The following ANKRD28 variants were observed in gnomAD, a reference collection of about 807,000 sequenced individuals.
The protein encoded by ANKRD28 is ankyrin repeat domain 28.
In ANKRD28, 44 loss-of-function variants were observed where a neutral mutation model predicts 126.5. That is an observed-to-expected ratio of 0.35 (90% confidence interval 0.27 to 0.45). ANKRD28 has a LOEUF of 0.45. Ranked by LOEUF, ANKRD28 falls within the 20% of genes least tolerant of loss-of-function variation. The pLI is 1.00. For synonymous variants in ANKRD28, 442 were observed against 468.5 expected, an observed-to-expected ratio of 0.94 and a Z score of 0.73; for missense variants, 1,110 against 1,316.6, an observed-to-expected ratio of 0.84 and a Z score of 2.43.
intron 1 of ANKRD28, among the ~76,000 whole-genome samples, chr3:15,837,768 G>GA (rs1044374219): frequency 1.3e-5 from 2 of 149,988 alleles, no homozygotes; most frequent in East Asian, 2.0e-4. Context: ...AGTAGCAGGG[G>GA]AAAAAACAAT....
chr3:15,813,538 T>C (rs547373418), intron 1 of ANKRD28, among the ~76,000 whole-genome samples: 23 of 152,308 alleles, frequency 1.5e-4, no homozygotes, highest in African/African-American at 4.8e-4. Context: ...AAGTACAGCA[T>C]ACTGCACCTT....
intron 18 of ANKRD28, chr3:15,689,745 T>C (rs979444922): frequency 3.4e-6 from 1 of 297,412 alleles, no homozygotes; most frequent in East Asian, 5.9e-5. Context: ...TTTATATGAA[T>C]ATTTTTTGTG....
At chr3:15,749,832 A>G (rs998391096) in intron 4 of ANKRD28, among the ~76,000 whole-genome samples, 2 of 152,174 alleles carry the variant, frequency 1.3e-5, no homozygotes, top group African/African-American at 4.8e-5. Flanking sequence ...GTCTGTAAAG[A>G]GTCCTGTGAT....
rs538136668 is a variant in ANKRD28, at chr3:15,842,009, T to A, written c.27+17368A>T. Among the ~76,000 whole-genome samples the A allele has an allele frequency of 3.5e-4, 53 of 150,506 alleles. No individual in the cohort carries two copies. In the South Asian group the frequency reaches 8.1e-3, roughly 23 times the overall value. On this transcript the variant is annotated intron_variant, in intron 1 of 27. Transcript: ENST00000399451. ...TGTTATTATATAGGCATAATTTATA[T>A]GTATAATGTTATATATTGTGTATAA...
chr3:15,753,927 A>G (rs764051225), intron 3 of ANKRD28, among the ~76,000 whole-genome samples: 8 of 152,230 alleles, frequency 5.3e-5, no homozygotes, highest in Non-Finnish European at 1.0e-4. Context: ...TGGGCAAGAT[A>G]GTGAGACTCT....
intron 2 of ANKRD28, among the ~76,000 whole-genome samples, chr3:15,789,441 A>C (rs1183291885): frequency 6.9e-6 from 1 of 144,556 alleles, no homozygotes; most frequent in Non-Finnish European, 1.5e-5. Context: ...TTTTTTTAAA[A>C]AAAAAAGAAA....
chr3:15,814,050 G>C lies in ANKRD28; in HGVS notation c.28-18744C>G, dbSNP rs767305761. On this transcript the variant is annotated intron_variant, in intron 1 of 27. Transcript: ENST00000399451. This position sits in a 1 kb window ranked among gnomAD's most constrained non-coding sequence, Gnocchi z 4.7. ...TTGAATTATAAAACGGCTATACTAAGTCTTCCACTAACACAGGGTCCACTA... is the reference window on the plus strand; with the variant it reads ...TTGAATTATAAAACGGCTATACTAACTCTTCCACTAACACAGGGTCCACTA... 2.7e-4 allele frequency among the ~76,000 whole-genome samples: 41 copies of C among 152,114 alleles called. No homozygotes were observed. Among genetic ancestry groups the C allele is most frequent in the Admixed American group, 2.0e-4 (3 of 15,278 alleles).
intron 2 of ANKRD28, among the ~76,000 whole-genome samples, chr3:15,778,459 G>A (rs1441613814): frequency 6.6e-6 from 1 of 152,116 alleles, no homozygotes; most frequent in African/African-American, 2.4e-5. Flanking sequence ...TTCAGGAAAT[G>A]GTCAGTTCTT....
intron 3 of ANKRD28, among the ~76,000 whole-genome samples, chr3:15,762,214 C>CAAA (rs778300634): frequency 1.3e-4 from 7 of 52,544 alleles, no homozygotes; most frequent in East Asian, 2.8e-4. Context: ...AAAAAAAAAA[C>CAAA]AAAACAAAAA....
intron 14 of ANKRD28, among the ~76,000 whole-genome samples, chr3:15,704,302 C>T (rs1183831086): frequency 1.3e-5 from 2 of 151,730 alleles, no homozygotes; most frequent in South Asian, 2.1e-4. Context: ...GAATGAGTCA[C>T]GGAAGATTTC....
intron 20 of ANKRD28, 85 bp downstream of exon 20, chr3:15,685,917 G>A: frequency 6.7e-6 from 7 of 1,044,378 alleles, no homozygotes; most frequent in Non-Finnish European, 9.7e-6. Flanking sequence ...ATTTAATGAA[G>A]AAAAAATAAA....
At position 15,796,391 on chromosome 3, in the gene ANKRD28, C is replaced by G. The variant is rs1266149708; in HGVS notation, c.117+14G>C. The G allele has an allele frequency of 8.6e-6, 11 of 1,276,226 alleles. No individual in the cohort carries two copies. Among genetic ancestry groups the G allele is most frequent in the African/African-American group, 1.5e-5 (1 of 65,446 alleles). 79.1% of individuals were successfully genotyped at this position (1,276,226 alleles called of 1,614,324 possible). A position where few individuals can be genotyped will look rare whatever the true frequency, so the allele number is the denominator to read the frequency against. On this transcript the variant is annotated intron_variant, in intron 1 of 27. Transcript: ENST00000683139. ...CAGTAGAATATAGTAAACATATAAA[C>G]TTACATATCTTACCAATACATTTCC...
chr3:15,848,713 A>T (rs1345289861), intron 1 of ANKRD28, among the ~76,000 whole-genome samples: 2 of 152,032 alleles, frequency 1.3e-5, no homozygotes, highest in Non-Finnish European at 2.9e-5. Context: ...ACAATCAATA[A>T]ATTAGAAATA....
intron 1 of ANKRD28, among the ~76,000 whole-genome samples, chr3:15,841,339 C>T (rs1371372877): frequency 6.6e-6 from 1 of 151,996 alleles, no homozygotes; most frequent in Non-Finnish European, 1.5e-5. Context: ...CAAATATGGA[C>T]AAATGGGGTC....
chr3:15,777,887 CACACACACACACACA>C (rs1575642764), intron 2 of ANKRD28, among the ~76,000 whole-genome samples: 15 of 151,574 alleles, frequency 9.9e-5, no homozygotes, highest in East Asian at 7.7e-4. Flanking sequence ...CACACACACA[CACACACACACACACA>C]CCCTCTCCGC....
Position 15,797,442 on chromosome 3 carries a change from G to C in ANKRD28, c.-921C>G. 4.1e-6 allele frequency: 4 copies of C among 985,344 alleles called. No homozygotes were observed. The highest frequency in any genetic ancestry group is 4.8e-6 in the Non-Finnish European group (4 of 829,954). 61.0% of individuals were successfully genotyped at this position (985,344 alleles called of 1,614,324 possible). On this transcript the variant is annotated 5_prime_UTR_variant, in exon 1 of 28. Coordinates refer to ENST00000683139, the MANE Select transcript of ANKRD28 (RefSeq NM_001349278.2). ...TTGTCTGTGGCTGCTCCAGCAAAAGGGCACAGGCACCAGGCAGAAATGGTG... is the reference window on the plus strand; with the variant it reads ...TTGTCTGTGGCTGCTCCAGCAAAAGCGCACAGGCACCAGGCAGAAATGGTG...
chr3:15,850,190 TAAAA>T (rs1238069051), intron 1 of ANKRD28, among the ~76,000 whole-genome samples: 1,467 of 31,854 alleles, frequency 0.046, 56 homozygotes, highest in African/African-American at 0.095. Context: ...CTACATGCAA[TAAAA>T]AAAAAAAAAA....
At position 15,803,896 on chromosome 3, in the gene ANKRD28, C is replaced by T. The variant is rs182562582; in HGVS notation, c.28-8590G>A. Among the ~76,000 whole-genome samples, 13 of 145,010 alleles carry T rather than the reference C, an allele frequency of 9.0e-5. 1 individual carries two copies. Among genetic ancestry groups the T allele is most frequent in the African/African-American group, 2.8e-4 (11 of 38,808 alleles). On this transcript the variant is annotated intron_variant, in intron 1 of 27. Transcript: ENST00000399451. ...AGCCCATTATCTTAGCATCTACCCTCATGACTTCTAAATGAAATGTTAAAT... is the reference window on the plus strand; with the variant it reads ...AGCCCATTATCTTAGCATCTACCCTTATGACTTCTAAATGAAATGTTAAAT...
intron 4 of ANKRD28, among the ~76,000 whole-genome samples, chr3:15,743,114 C>G (rs937187482): frequency 2.6e-5 from 4 of 152,084 alleles, no homozygotes; most frequent in South Asian, 2.1e-4. Context: ...GCTGTGTCCA[C>G]TCAGGGTTAA....
Sources: gnomAD v4.1 joint callset for allele counts (sites outside exome capture counted in the v4.1 genomes callset) on GRCh38, gnomAD v4.1.1 for gene constraint, Gnocchi (gnomAD v3.1) non-coding constraint, MANE v1.5 for transcripts, NCBI Gene and HGNC (gene_info 2026-07-23, HGNC 2026-07-21) for gene names.